Variants in VWA8 observed in about 807,000 individuals in gnomAD.
VWA8 encodes von Willebrand factor A domain-containing protein 8.
VWA8 carries 221 observed loss-of-function variants against 241.5 expected under a neutral mutation model. That is an observed-to-expected ratio of 0.91 (90% confidence interval 0.82 to 1.02). VWA8 has a LOEUF of 1.02. Ranked by LOEUF, VWA8 falls within the 50% of genes least tolerant of loss-of-function variation. VWA8 has a pLI of 0.00. For synonymous variants in VWA8, 852 were observed against 827.1 expected, an observed-to-expected ratio of 1.03 and a Z score of -0.52; for missense variants, 2,322 against 2,328.7, an observed-to-expected ratio of 1.00 and a Z score of 0.06.
intron 5 of VWA8, among the ~76,000 whole-genome samples, chr13:41,890,709 G>C (rs1156809745): frequency 6.6e-6 from 1 of 152,200 alleles, no homozygotes; most frequent in East Asian, 1.9e-4. Context: ...TTCTAGTAGA[G>C]GGAAGCAGAC....
At chr13:41,702,594 T>C (rs1313007558) in intron 27 of VWA8, among the ~76,000 whole-genome samples, 9 of 152,340 alleles carry the variant, frequency 5.9e-5, no homozygotes, top group Middle Eastern at 6.8e-3. Flanking sequence ...AATAAAATTT[T>C]GGTGAAACAC....
chr13:41,800,917 C>G (rs1869928826), intron 17 of VWA8, among the ~76,000 whole-genome samples: 3 of 151,890 alleles, frequency 2.0e-5, no homozygotes, highest in Admixed American at 6.6e-5. Context: ...AAAATCTATC[C>G]TAGGGAGATA....
intron 12 of VWA8, among the ~76,000 whole-genome samples, chr13:41,863,455 T>TATATATATATA (rs1566485517): frequency 4.6e-5 from 4 of 87,180 alleles, no homozygotes; most frequent in Non-Finnish European, 9.6e-5. Flanking sequence ...ATATATATAT[T>TATATATATATA]CACACACACA....
intron 2 of VWA8, chr13:41,926,511 G>A: frequency 1.9e-6 from 1 of 531,392 alleles, no homozygotes. Context: ...GTGGTTGGTG[G>A]CACCAAGCAG....
intron 37 of VWA8, 71 bp from the exon 38 acceptor site, chr13:41,615,155 A>T: frequency 6.7e-7 from 1 of 1,496,756 alleles, no homozygotes; most frequent in Non-Finnish European, 9.2e-7. Context: ...CAGAAAAAAA[A>T]ATTATTTTCT....
chr13:41,802,802 G>A (rs1870018790), intron 17 of VWA8, among the ~76,000 whole-genome samples: 1 of 152,200 alleles, frequency 6.6e-6, no homozygotes, highest in Non-Finnish European at 1.5e-5. Flanking sequence ...ATCACAACCT[G>A]ACTAAAGAAT....
intron 9 of VWA8, among the ~76,000 whole-genome samples, chr13:41,878,151 G>T (rs574118683): frequency 3.5e-4 from 53 of 151,912 alleles, no homozygotes; most frequent in Non-Finnish European, 3.7e-4. Context: ...TCAAGGAAAA[G>T]TTAATGTGTA....
chr13:41,782,254 A>G (rs1018526299), intron 19 of VWA8, among the ~76,000 whole-genome samples: 2 of 152,206 alleles, frequency 1.3e-5, no homozygotes, highest in African/African-American at 2.4e-5. Context: ...CAAGGGCACA[A>G]TGGTCTTTGC....
chr13:41,570,390 T>G, intron 44 of VWA8, 78 bp downstream of exon 44: 2 of 1,329,320 alleles, frequency 1.5e-6, no homozygotes, highest in Non-Finnish European at 2.1e-6. Context: ...CTCATGGTGC[T>G]AAGCCTATAA....
rs554663491 is a variant in VWA8, at chr13:41,601,621, G to T, written c.4986+3547C>A. 3.5e-4 allele frequency among the ~76,000 whole-genome samples: 54 copies of T among 152,266 alleles called. No homozygotes were observed. In the South Asian group the frequency reaches 0.011, roughly 31 times the overall value. On this transcript the variant is annotated intron_variant, in intron 40 of 44. Transcript: ENST00000379310. Reference sequence around the variant, plus strand: ...TTAGAGCATGCATGGTGCAATAAGAGATTGAGATTCTGAACCAAGTATAAT... The same window carrying T: ...TTAGAGCATGCATGGTGCAATAAGATATTGAGATTCTGAACCAAGTATAAT...
chr13:41,830,242 C>CAAA (rs1305339760), intron 14 of VWA8, among the ~76,000 whole-genome samples: 1 of 52,546 alleles, frequency 1.9e-5, no homozygotes. Context: ...GACTCTGTCT[C>CAAA]AAAAAAAAAA....
At chr13:41,934,726 T>C (rs1593881483) in intron 2 of VWA8, among the ~76,000 whole-genome samples, 2 of 152,014 alleles carry the variant, frequency 1.3e-5, no homozygotes, top group African/African-American at 2.4e-5. Context: ...ACAAAGCAGA[T>C]TAATGATTCC....
In VWA8 at chr13:41,570,680, G is replaced by T. The variant is rs1230225110; in HGVS notation, c.5397C>A (p.Cys1799Ter). ...LKTMHAHSQF[C>*]MSGDHTLEGT... ...CTTCTAACGTGTGGTCCCCACTCAT[G>T]CAGAACTGAGAGTGGGCATGCATTG... The change falls in exon 44 of 45, where the codon TGC becomes TGA. Residue 1799 changes from cysteine to a stop codon, truncating the protein, a stop_gained. Coordinates refer to ENST00000379310, the MANE Select transcript of VWA8 (RefSeq NM_015058.2). LOFTEE classifies it high-confidence loss of function. 6.2e-7 allele frequency: 1 copy of T among 1,614,180 alleles called. No individual in the cohort carries two copies. Among genetic ancestry groups the T allele is most frequent in the South Asian group, 1.1e-5 (1 of 91,084 alleles).
intron 14 of VWA8, among the ~76,000 whole-genome samples, chr13:41,828,245 T>C (rs1359991627): frequency 6.6e-6 from 1 of 152,194 alleles, no homozygotes; most frequent in African/African-American, 2.4e-5. Context: ...TTTTAACAAA[T>C]TTCTTCTTAA....
At chr13:41,600,849 C>T (rs1270721733) in intron 40 of VWA8, among the ~76,000 whole-genome samples, 1 of 152,102 alleles carries the variant, frequency 6.6e-6, no homozygotes, top group African/African-American at 2.4e-5. Flanking sequence ...CAAATTGCTT[C>T]TTGAATTTGT....
At chr13:41,863,976 A>G (rs1873165638) in intron 12 of VWA8, among the ~76,000 whole-genome samples, 1 of 152,128 alleles carries the variant, frequency 6.6e-6, no homozygotes, top group Non-Finnish European at 1.5e-5. Flanking sequence ...AGAAAAAATA[A>G]ATAAGACAGA....
chr13:41,842,428 T>A (rs1428221849), intron 12 of VWA8, among the ~76,000 whole-genome samples: 2 of 152,230 alleles, frequency 1.3e-5, no homozygotes, highest in East Asian at 3.8e-4. Flanking sequence ...CAGGATGCGA[T>A]GTTGACATTA....
At position 41,960,469 on chromosome 13, in the gene VWA8, G is replaced by A. The variant is rs143600074; in HGVS notation, c.163+384C>T. ...CACAGACCGGCTTCCAGGCCCTTGA[G>A]GCTCAGAGAGCAAGGTCAAATCCAG... On this transcript the variant is annotated intron_variant, in intron 1 of 44. Transcript: ENST00000379310. 5.4e-4 allele frequency among the ~76,000 whole-genome samples: 82 copies of A among 152,322 alleles called. No homozygotes were observed. In the East Asian group the frequency reaches 0.015, roughly 28 times the overall value.
intron 21 of VWA8, among the ~76,000 whole-genome samples, chr13:41,758,378 ATATATATATATATACGCTAG>A (rs1310134912): frequency 0.2 from 5,894 of 29,514 alleles, 801 homozygotes; most frequent in Admixed American, 0.33. Context: ...GCATATATAT[ATATATATATATATACGCTAG>A]TATATATATA....
Sources: gnomAD v4.1 joint callset for allele counts (sites outside exome capture counted in the v4.1 genomes callset) on GRCh38, gnomAD v4.1.1 for gene constraint, MANE v1.5 for transcripts, NCBI Gene and HGNC (gene_info 2026-07-23, HGNC 2026-07-21) for gene names.